Variants in RECQL4 observed in about 807,000 individuals in gnomAD.
RECQL4 encodes the protein RecQ like helicase 4, also known as ATP-dependent DNA helicase Q4.
In RECQL4, 158 loss-of-function variants were observed where a neutral mutation model predicts 128.6. The observed-to-expected ratio is 1.23, with a 90% confidence interval of 1.08 to 1.40. The LOEUF is 1.40. Among genes scored for constraint, RECQL4 ranks in the 40% most tolerant of loss-of-function variants. RECQL4 has a pLI of 0.00. For missense variants in RECQL4, 2,293 were observed against 1,649.8 expected, an observed-to-expected ratio of 1.39 and a Z score of -6.75; for synonymous variants, 996 against 678.9, an observed-to-expected ratio of 1.47 and a Z score of -7.26.
chr8:144,514,980 G>C lies in RECQL4; in HGVS notation c.1576C>G (p.Leu526Val). 1 of 1,611,946 alleles carries C rather than the reference G, an allele frequency of 6.2e-7. No homozygotes were observed. Among genetic ancestry groups the C allele is most frequent in the South Asian group, 1.1e-5 (1 of 90,966 alleles). Residue 526 changes from leucine (L) to valine (V), a missense_variant, in exon 9 of 21, where the codon CTC becomes GTC. Coordinates refer to ENST00000617875, the MANE Select transcript of RECQL4 (RefSeq NM_004260.4). ...ALLYSRRSPC[L>V]TLVVSPLLSL... ...AGCAGGGGAGAGACGACCAACGTGA[G>C]GCAGGGGCTGCGCCGGCTGTAGAGC...
Position 144,512,662 on chromosome 8 carries a change from C to G in RECQL4, c.2865G>C (p.Gln955His), listed in dbSNP as rs1417243858. The G allele has an allele frequency of 6.2e-7, 1 of 1,612,580 alleles. No individual in the cohort carries two copies. Among genetic ancestry groups the G allele is most frequent in the Non-Finnish European group, 8.5e-7 (1 of 1,179,810 alleles). The change falls in exon 16 of 21, where the codon CAG (glutamine) becomes CAC (histidine). Residue 955 changes from glutamine to histidine, a missense_variant. Gln to His is a conservative substitution (Grantham distance 24). Coordinates refer to ENST00000617875, the MANE Select transcript of RECQL4 (RefSeq NM_004260.4). ...CTTACCTGTGGGCCAGGGCCTGGAG[C>G]TGGGCAGGGCCCCCAGGGCAGTTCA... ...CRLNCPGGPA[Q>H]LQALAHRCPP...
rs1404658897 is a variant in RECQL4, at chr8:144,516,513, C to A, written c.606G>T (p.Leu202=). The change falls in exon 5 of 21, where the codon CTG becomes CTT. Residue 202 remains leucine, a synonymous_variant. Coordinates refer to ENST00000617875, the MANE Select transcript of RECQL4 (RefSeq NM_004260.4). ...CAGGCCTGCAGGCTTTGGGGGCCCC[C>A]AGAAAATCTGGGACCTCACTGTGAC... ...QRCHSEVPDF[L]GAPKACRPDL... 1.2e-6 allele frequency: 2 copies of A among 1,609,500 alleles called. No homozygotes were observed. The highest frequency in any genetic ancestry group is 1.7e-6 in the Non-Finnish European group (2 of 1,179,552).
chr8:144,514,337 A>G lies in RECQL4; in HGVS notation c.1730T>C (p.Leu577Pro). Residue 577 changes from leucine (L) to proline (P), a missense_variant, in exon 11 of 21, where the codon CTG (leucine) becomes CCG (proline). Leu to Pro is a moderately conservative substitution (Grantham distance 98, BLOSUM62 -3). Coordinates refer to ENST00000617875, the MANE Select transcript of RECQL4 (RefSeq NM_004260.4). ...CACCAGTGCCTCAGGTGTCAGCATC[A>G]GCACGTGTACCTGGGCTGCCCGAAT... ...QKIRAAQVHVLMLTPEALVGA... is the reference protein window; with the variant it reads ...QKIRAAQVHVPMLTPEALVGA... 3 of 1,607,514 alleles carry G rather than the reference A, an allele frequency of 1.9e-6. No individual in the cohort carries two copies. The highest frequency in any genetic ancestry group is 2.5e-6 in the Non-Finnish European group (3 of 1,176,652).
rs2130711822 is a variant in RECQL4 at position 144,515,755 on chromosome 8, ATGTCTCACC to A, written c.1258_1258+8del. The A allele has an allele frequency of 6.2e-7, 1 of 1,612,000 alleles. No individual in the cohort carries two copies. The highest frequency in any genetic ancestry group is 8.5e-7 in the Non-Finnish European group (1 of 1,179,566). ...TGGCCGGACCCACCCTCCAGGGCAG[ATGTCTCACC>A]TGGCCGGGGACACTGGGCTGCCCAG... On this transcript the variant is annotated splice_donor_variant and splice_donor_5th_base_variant and coding_sequence_variant and intron_variant, in exon 6 of 21. Coordinates refer to ENST00000617875, the MANE Select transcript of RECQL4 (RefSeq NM_004260.4). LOFTEE classifies it high-confidence loss of function.
Position 144,512,195 on chromosome 8 carries a change from C to T in RECQL4, c.3185G>A (p.Arg1062Gln), listed in dbSNP as rs558058260. 4.0e-5 allele frequency: 65 copies of T among 1,611,800 alleles called. No individual in the cohort carries two copies. Among genetic ancestry groups the T allele is most frequent in the South Asian group, 2.4e-4 (22 of 91,032 alleles). Residue 1062 changes from arginine to glutamine, a missense_variant, in exon 18 of 21, where the codon CGG (arginine) becomes CAG (glutamine). Coordinates refer to ENST00000617875, the MANE Select transcript of RECQL4 (RefSeq NM_004260.4). ...CDFLYGRVQA[R>Q]ERQALARLRR... is the part of the protein sequence containing the mutation. ...CAGACGGGCCAGGGCCTGGCGCTCC[C>T]GGGCCTGCACACGGCCATAGAGGAA...
At position 144,517,785 on chromosome 8, in the gene RECQL4, GGCGCGCGCGCCCGCCCGGCCTCC is replaced by G. The variant is rs1198684631; in HGVS notation, c.-24_-2del. The G allele has an allele frequency of 8.1e-7, 1 of 1,231,506 alleles. No homozygotes were observed. The highest frequency in any genetic ancestry group is 3.9e-5 in the Admixed American group (1 of 25,884). The allele number at this position is 1,231,506 out of a possible 1,614,324, so 76.3% of individuals were successfully genotyped here. A position where few individuals can be genotyped will look rare whatever the true frequency, so the allele number is the denominator to read the frequency against. ...CCCGCACGTCCCGCAGCCGCTCCAT[GGCGCGCGCGCCCGCCCGGCCTCC>G]GCGCTTGCGATCGTCCAGCGAATCT... On this transcript the variant is annotated 5_prime_UTR_variant, in exon 1 of 21. Coordinates refer to ENST00000617875, the MANE Select transcript of RECQL4 (RefSeq NM_004260.4).
Position 144,516,620 on chromosome 8 carries a change from G to T in RECQL4, c.499C>A (p.Pro167Thr). ...AGATGCTGGAGCCGGCCTGGCCTTG[G>T]CTGGGGCTCAGGGAGCTGTGGAGGC... The part of the protein sequence containing the change: ...DEPPQLPEPQ[P>T]RPGRLQHLQA... Residue 167 changes from proline (P) to threonine (T), a missense_variant, in exon 5 of 21, where the codon CCA becomes ACA. Coordinates refer to ENST00000617875, the MANE Select transcript of RECQL4 (RefSeq NM_004260.4). 6.2e-7 allele frequency: 1 copy of T among 1,610,904 alleles called. No homozygotes were observed. The highest frequency in any genetic ancestry group is 8.5e-7 in the Non-Finnish European group (1 of 1,179,022).
rs1827970676 is a variant in RECQL4, at chr8:144,515,154, C to T, written c.1479G>A (p.Leu493=). The part of the protein sequence containing the change: ...PGQERAVMRI[L]SGISTLLVLP... ...AGCCCTGGCAGCCACGCTCACCAGA[C>T]AGGATCCGCATGACTGCACGCTCCT... The change falls in exon 8 of 21, where the codon CTG becomes CTA. Residue 493 remains leucine, a synonymous_variant. Coordinates refer to ENST00000617875, the MANE Select transcript of RECQL4 (RefSeq NM_004260.4). 1 of 1,565,436 alleles carries T rather than the reference C, an allele frequency of 6.4e-7. No homozygotes were observed. Among genetic ancestry groups the T allele is most frequent in the Non-Finnish European group, 8.6e-7 (1 of 1,156,072 alleles).
Position 144,512,589 on chromosome 8 carries a change from G to A in RECQL4, c.2886-28C>T, listed in dbSNP as rs556430854. 72 of 1,612,146 alleles carry A rather than the reference G, an allele frequency of 4.5e-5. No homozygotes were observed. The East Asian group carries it at 1.6e-3, about 35-fold the overall frequency. Reference sequence around the variant, plus strand: ...GTGCCCAGGGAAAAAGGGACATGTGGCCAACAGCCCTGATTCTCCAACCTC... The same window carrying A: ...GTGCCCAGGGAAAAAGGGACATGTGACCAACAGCCCTGATTCTCCAACCTC... On this transcript the variant is annotated intron_variant, in intron 16 of 20. Transcript: ENST00000617875.
rs770697720 is a variant in RECQL4, at chr8:144,511,799, C to T, written c.3394-10G>A. ...CCTCCCAATCCTGGAGCTGTGTGGA[C>T]AGGCACATCAGGCTTCCTCTGAGCT... On this transcript the variant is annotated splice_polypyrimidine_tract_variant and intron_variant, in intron 19 of 20. Coordinates refer to ENST00000617875, the MANE Select transcript of RECQL4 (RefSeq NM_004260.4). 2 of 1,612,160 alleles carry T rather than the reference C, an allele frequency of 1.2e-6. No individual in the cohort carries two copies. The highest frequency in any genetic ancestry group is 1.7e-6 in the Non-Finnish European group (2 of 1,179,640).
At position 144,511,976 on chromosome 8, in the gene RECQL4, C is replaced by T. The variant is rs562254930; in HGVS notation, c.3328G>A (p.Glu1110Lys). ...LKDLLGRYFEEEEGQEPGGME... is the reference protein window; with the variant it reads ...LKDLLGRYFEKEEGQEPGGME... ...CCTCCCGGCTCCTGCCCTTCCTCTTCCTCAAAGTAGCGGCCGAGCAGGTCC... is the reference window on the plus strand; with the variant it reads ...CCTCCCGGCTCCTGCCCTTCCTCTTTCTCAAAGTAGCGGCCGAGCAGGTCC... The change falls in exon 19 of 21, where the codon GAA (glutamate) becomes AAA (lysine). Residue 1110 changes from glutamate (E) to lysine (K), a missense_variant. Glu to Lys is a moderately conservative substitution (Grantham distance 56). Transcript: ENST00000617875. 5.0e-6 allele frequency: 8 copies of T among 1,611,584 alleles called. No homozygotes were observed. The South Asian group carries it at 6.6e-5, about 13-fold the overall frequency.
At chr8:144,512,100 G>A in intron 18 of RECQL4, 33 bp from the exon 19 acceptor site, 1 of 1,603,894 alleles carries the variant, frequency 6.2e-7, no homozygotes, top group South Asian at 1.1e-5. Flanking sequence ...GCTGATCACT[G>A]CGGGAGGGTG....
intron 3 of RECQL4, 33 bp downstream of exon 3, chr8:144,517,381 T>G (rs1340784381): frequency 6.5e-7 from 1 of 1,537,612 alleles, no homozygotes; most frequent in Non-Finnish European, 8.7e-7. Context: ...AACAGGGAAG[T>G]GGGAGGAGGC....
At position 144,511,750 on chromosome 8, in the gene RECQL4, G is replaced by A. The variant is rs1827248750; in HGVS notation, c.3433C>T (p.Gln1145Ter). The A allele has an allele frequency of 6.2e-7, 1 of 1,612,590 alleles. No individual in the cohort carries two copies. The highest frequency in any genetic ancestry group is 8.5e-7 in the Non-Finnish European group (1 of 1,179,826). Residue 1145 changes from glutamine (Q) to a stop codon, truncating the protein, a stop_gained, in exon 20 of 21, where the codon CAG (glutamine) becomes TAG (stop). Transcript: ENST00000617875. LOFTEE classifies it high-confidence loss of function. ...TCCTCTGGCCTCAGGGACAGGAACT[G>A]GCGGATGTCGCAGCGGACCTGGTCC... ...WEDQVRCDIR[Q>*]FLSLRPEEKF... is the part of the protein sequence containing the mutation.
Position 144,517,081 on chromosome 8 carries a change from C to G in RECQL4, c.323G>C (p.Arg108Pro). The change falls in exon 4 of 21, where the codon CGG becomes CCG. Residue 108 changes from arginine to proline, a missense_variant. Physicochemically the swap from Arg to Pro is moderately radical, Grantham distance 103. Transcript: ENST00000617875. Reference protein sequence around the residue: ...RQGSVPDYGQRLKANLKGTLQ... With the variant: ...RQGSVPDYGQPLKANLKGTLQ... ...GGTGCCTTTCAGATTGGCCTTGAGC[C>G]GCTGCCCGTAGTCCGGCACCGAGCC... The G allele has an allele frequency of 6.2e-7, 1 of 1,612,226 alleles. No homozygotes were observed. The highest frequency in any genetic ancestry group is 8.5e-7 in the Non-Finnish European group (1 of 1,179,564).
rs1564802842 is a variant in RECQL4, at chr8:144,515,333, CT to C, written c.1382del (p.Gln461ArgfsTer97). On this transcript the variant is annotated frameshift_variant, in exon 7 of 21. Coordinates refer to ENST00000617875, the MANE Select transcript of RECQL4 (RefSeq NM_004260.4). LOFTEE classifies it high-confidence loss of function. ...LPLYSLGPSG[Q>X]LAETPAEVFQ... ...CAGAAGCTGACTGCTCACCTGCCAA[CT>C]GCCCTGAGGGCCCCAGGGAGTAGAG... 1 of 1,612,542 alleles carries C rather than the reference CT, an allele frequency of 6.2e-7. No homozygotes were observed. Among genetic ancestry groups the C allele is most frequent in the Admixed American group, 1.7e-5 (1 of 60,000 alleles).
chr8:144,512,030 G>C lies in RECQL4; in HGVS notation c.3274C>G (p.Gln1092Glu), dbSNP rs930778534. Residue 1092 changes from glutamine (Q) to glutamate (E), a missense_variant, in exon 19 of 21, where the codon CAG becomes GAG. Physicochemically the swap from Gln to Glu is conservative, Grantham distance 29 (BLOSUM62 2). Transcript: ENST00000617875. ...AGCCTGGTGCTGCGCTCCTCATCCTGCTGCTCCAGGCAGGGCCCGCAGCTG... is the reference window on the plus strand; with the variant it reads ...AGCCTGGTGCTGCGCTCCTCATCCTCCTGCTCCAGGCAGGGCCCGCAGCTG... ...FPSCGPCLEQ[Q>E]DEERSTRLKD... 6.2e-7 allele frequency: 1 copy of C among 1,608,696 alleles called. No individual in the cohort carries two copies.
In RECQL4 at chr8:144,513,743, G is replaced by A. The variant is rs4251690; in HGVS notation, c.2059-31C>T. Reference sequence around the variant, plus strand: ...GAGGAGCGGTTGGCGTGGGCAGTGGGGAGTGAGGAGGGGTCGGCGTGTGCA... The same window carrying A: ...GAGGAGCGGTTGGCGTGGGCAGTGGAGAGTGAGGAGGGGTCGGCGTGTGCA... On this transcript the variant is annotated intron_variant, in intron 12 of 20. Coordinates refer to ENST00000617875, the MANE Select transcript of RECQL4 (RefSeq NM_004260.4). The A allele has an allele frequency of 5.1e-3, 7,773 of 1,511,532 alleles. 36 individuals carry two copies. Among genetic ancestry groups the A allele is most frequent in the Non-Finnish European group, 6.0e-3 (6,744 of 1,125,080 alleles). 93.6% of individuals were successfully genotyped at this position (1,511,532 alleles called of 1,614,324 possible).
intron 20 of RECQL4, 44 bp downstream of exon 20, chr8:144,511,637 C>T (rs769119630): frequency 1.2e-6 from 2 of 1,605,466 alleles, no homozygotes; most frequent in East Asian, 2.2e-5. Flanking sequence ...CCTGCCCCAG[C>T]CCCCAGCCCC....
Sources: gnomAD v4.1 joint callset for allele counts on GRCh38, gnomAD v4.1.1 for gene constraint, MANE v1.5 for transcripts, NCBI Gene and HGNC (gene_info 2026-07-23, HGNC 2026-07-21) for gene names.